The following BMPR1B variants were observed in gnomAD, a reference collection of about 807,000 sequenced individuals.
The protein encoded by BMPR1B is bone morphogenetic protein receptor type 1B, also known as bone morphogenetic protein receptor type-1B.
BMPR1B carries 12 observed loss-of-function variants against 59.1 expected under a neutral mutation model. The observed-to-expected ratio is 0.20, with a 90% CI of 0.13 to 0.33. The LOEUF is 0.33. BMPR1B is among the 10% of genes least tolerant of loss of function. The pLI, the probability that BMPR1B is intolerant of heterozygous loss-of-function variation, is 1.00. For synonymous variants in BMPR1B, 237 were observed against 207.3 expected, an observed-to-expected ratio of 1.14 and a Z score of -1.23; for missense variants, 550 against 610.9, an observed-to-expected ratio of 0.90 and a Z score of 1.05.
At chr4:94,968,086 T>A (rs994707011) in intron 2 of BMPR1B, among the ~76,000 whole-genome samples, 1 of 152,204 alleles carries the variant, frequency 6.6e-6, no homozygotes, top group African/African-American at 2.4e-5. Context: ...ATTCAGGGAC[T>A]TTTTCTTTCT....
intron 2 of BMPR1B, among the ~76,000 whole-genome samples, chr4:94,876,574 A>T (rs1355167072): frequency 6.6e-6 from 1 of 152,180 alleles, no homozygotes; most frequent in East Asian, 1.9e-4. Context: ...CATTTTATAG[A>T]TGTTAAAACT....
intron 1 of BMPR1B, among the ~76,000 whole-genome samples, chr4:94,819,496 A>G (rs1169369874): frequency 7.3e-6 from 1 of 137,354 alleles, no homozygotes; most frequent in Admixed American, 7.0e-5. Context: ...CTGTGTGGGA[A>G]TTCAGACACT....
At chr4:94,875,653 C>T (rs1216514054) in intron 1 of BMPR1B, among the ~76,000 whole-genome samples, 178 bp from the exon 2 acceptor site, 2 of 152,190 alleles carry the variant, frequency 1.3e-5, no homozygotes, top group African/African-American at 4.8e-5. Context: ...CGCTGCACTC[C>T]AGCCTGGGCG....
At chr4:95,095,987 C>A (rs945524960) in intron 3 of BMPR1B, among the ~76,000 whole-genome samples, 1 of 151,392 alleles carries the variant, frequency 6.6e-6, no homozygotes, top group Non-Finnish European at 1.5e-5. Context: ...ATTTTTGTAA[C>A]ATTGTACTCT....
chr4:94,875,094 T>C (rs555102902), intron 1 of BMPR1B, among the ~76,000 whole-genome samples: 1 of 152,320 alleles, frequency 6.6e-6, no homozygotes, highest in East Asian at 1.9e-4. Flanking sequence ...ACTTAGTATT[T>C]GCTTCTTTTT....
chr4:94,953,301 T>C (rs966320494), intron 2 of BMPR1B, among the ~76,000 whole-genome samples: 1 of 152,236 alleles, frequency 6.6e-6, no homozygotes, highest in African/African-American at 2.4e-5. Context: ...GATCCTGTCA[T>C]TATGAGGCTA....
intron 3 of BMPR1B, among the ~76,000 whole-genome samples, chr4:95,097,470 A>G (rs1463786053): frequency 1.3e-5 from 2 of 152,194 alleles, no homozygotes; most frequent in Admixed American, 1.3e-4. Flanking sequence ...ATTTGGGAAG[A>G]AATAATCAAT....
At chr4:95,056,947 T>G (rs560920248) in intron 3 of BMPR1B, among the ~76,000 whole-genome samples, 1 of 152,376 alleles carries the variant, frequency 6.6e-6, no homozygotes, top group African/African-American at 2.4e-5. Flanking sequence ...CTTAACAATC[T>G]AAATTAAATG....
At chr4:94,809,156 T>C (rs1723720938) in intron 1 of BMPR1B, among the ~76,000 whole-genome samples, 1 of 152,214 alleles carries the variant, frequency 6.6e-6, no homozygotes, top group African/African-American at 2.4e-5. Flanking sequence ...ACTTTTATGG[T>C]ATTTTAATCA....
intron 1 of BMPR1B, among the ~76,000 whole-genome samples, chr4:94,813,860 G>C (rs1488150763): frequency 6.6e-6 from 1 of 152,118 alleles, no homozygotes; most frequent in African/African-American, 2.4e-5. Flanking sequence ...GGAGTCATAG[G>C]TGACACTAGG....
intron 3 of BMPR1B, among the ~76,000 whole-genome samples, chr4:95,072,008 T>G (rs1025215925): frequency 2.6e-5 from 4 of 152,050 alleles, no homozygotes; most frequent in African/African-American, 9.7e-5. Context: ...AGTCCCAAGA[T>G]CTGCACTTGG....
Position 95,114,759 on chromosome 4 carries a change from C to T in BMPR1B, c.183C>T (p.Asp61=), listed in dbSNP as rs960712934. The change falls in exon 5 of 13, where the codon GAC becomes GAT. Residue 61 remains aspartate, a synonymous_variant. Coordinates refer to ENST00000515059, the MANE Select transcript of BMPR1B (RefSeq NM_001203.3). ...GYCFTMIEED[D]SGLPVVTSGC... is the part of the protein sequence containing the mutation. ...GTTTCACGATGATAGAAGAGGATGA[C>T]TCTGGGTTGCCTGTGGTCACTTCTG... is the stretch of plus-strand genomic sequence containing the variant. 5.6e-6 allele frequency: 9 copies of T among 1,613,838 alleles called. No individual in the cohort carries two copies. The highest frequency in any genetic ancestry group is 1.7e-4 in the Middle Eastern group (1 of 6,058).
chr4:95,116,997 A>G (rs912310899), intron 6 of BMPR1B, among the ~76,000 whole-genome samples: 1 of 152,118 alleles, frequency 6.6e-6, no homozygotes, highest in Admixed American at 6.6e-5. Flanking sequence ...CAATAACTAT[A>G]TTTGTTCAGA....
chr4:94,993,760 C>CAAAA (rs34395946), intron 2 of BMPR1B, among the ~76,000 whole-genome samples: 16 of 68,534 alleles, frequency 2.3e-4, no homozygotes, highest in East Asian at 1.3e-3. Flanking sequence ...GACTCCATCT[C>CAAAA]AAAAAAAAAA....
At chr4:94,908,093 A>AAAAAAAAAAAAAAAAAAAGAAAAAG (rs1553917473) in intron 2 of BMPR1B, among the ~76,000 whole-genome samples, 1 of 118,712 alleles carries the variant, frequency 8.4e-6, no homozygotes, top group African/African-American at 4.3e-5. Context: ...AAAAAAAAGA[A>AAAAAAAAAAAAAAAAAAAGAAAAAG]AAAACAAAAA....
At chr4:94,813,073 A>G (rs1002658757) in intron 1 of BMPR1B, among the ~76,000 whole-genome samples, 1 of 151,930 alleles carries the variant, frequency 6.6e-6, no homozygotes, top group Non-Finnish European at 1.5e-5. Context: ...TGGTTTATTA[A>G]TTAAGCAAAT....
chr4:94,988,798 T>TA (rs978508402), intron 2 of BMPR1B, among the ~76,000 whole-genome samples: 7 of 151,956 alleles, frequency 4.6e-5, no homozygotes, highest in African/African-American at 1.7e-4. Flanking sequence ...GAGTTAAAGG[T>TA]AAGTGAGTCT....
At chr4:95,129,723 C>A in intron 8 of BMPR1B, 139 bp from the exon 9 acceptor site, 1 of 752,730 alleles carries the variant, frequency 1.3e-6, no homozygotes, top group Non-Finnish European at 2.1e-6. Context: ...TAAATAAATA[C>A]AAATAAGTTG....
At chr4:95,023,858 T>C (rs1252078837) in intron 3 of BMPR1B, among the ~76,000 whole-genome samples, 1 of 152,202 alleles carries the variant, frequency 6.6e-6, no homozygotes. Context: ...GTACAGTATC[T>C]TATAGGTTAC....
Sources: allele counts gnomAD v4.1 joint callset (sites outside exome capture counted in the v4.1 genomes callset), GRCh38; gene constraint gnomAD v4.1.1; transcripts MANE v1.5; gene names NCBI Gene and HGNC (gene_info 2026-07-23, HGNC 2026-07-21).